Variants in PHLPP1 observed in about 807,000 individuals in gnomAD.
PHLPP1 encodes PH domain leucine-rich repeat-containing protein phosphatase 1.
In PHLPP1, 42 loss-of-function variants were observed where a neutral mutation model predicts 117.2. The observed-to-expected ratio is 0.36, with a 90% CI of 0.28 to 0.46. The LOEUF (loss-of-function observed/expected upper bound fraction) is 0.46, where lower values mean the gene tolerates loss of function less well. PHLPP1 is among the 20% of genes least tolerant of loss of function. The pLI is 1.00. For synonymous variants in PHLPP1, 1,042 were observed against 970.7 expected, an observed-to-expected ratio of 1.07 and a Z score of -1.37; for missense variants, 2,084 against 2,241.9, an observed-to-expected ratio of 0.93 and a Z score of 1.42.
At position 62,835,566 on chromosome 18, in the gene PHLPP1, T is replaced by C. The variant is rs367567682; in HGVS notation, c.1774-3218T>C. The stretch of plus-strand genomic sequence containing the variant: ...AAGTTTGCTTTAGATGTTTGATAAA[T>C]ACCCTTGGTCAGTTTAAGTGAGTTT... On this transcript the variant is annotated intron_variant, in intron 2 of 16. Coordinates refer to ENST00000262719, the MANE Select transcript of PHLPP1 (RefSeq NM_194449.4). 2.4e-4 allele frequency among the ~76,000 whole-genome samples: 37 copies of C among 152,230 alleles called. No individual in the cohort carries two copies. In the South Asian group the frequency reaches 7.0e-3, roughly 29 times the overall value.
chr18:62,798,146 C>T (rs925503823), intron 1 of PHLPP1, among the ~76,000 whole-genome samples: 1 of 152,136 alleles, frequency 6.6e-6, no homozygotes, highest in Non-Finnish European at 1.5e-5. Flanking sequence ...GTCCCCAACC[C>T]CAGAGTTTCT....
intron 16 of PHLPP1, among the ~76,000 whole-genome samples, chr18:62,977,716 C>T (rs1911231970): frequency 6.6e-6 from 1 of 152,208 alleles, no homozygotes; most frequent in Non-Finnish European, 1.5e-5. Context: ...ACTACTGCCT[C>T]TTGTGATCAT....
At chr18:62,754,172 C>G (rs1423489254) in intron 1 of PHLPP1, among the ~76,000 whole-genome samples, 2 of 152,218 alleles carry the variant, frequency 1.3e-5, no homozygotes, top group African/African-American at 4.8e-5. Context: ...GCCTGAATTA[C>G]TTGCTCAGCT....
intron 1 of PHLPP1, among the ~76,000 whole-genome samples, chr18:62,774,879 C>T (rs1443705494): frequency 6.6e-6 from 1 of 151,798 alleles, no homozygotes; most frequent in African/African-American, 2.4e-5. Context: ...AAATAAAACC[C>T]TTCTTAGTTC....
At chr18:62,803,890 G>T (rs1323282133) in intron 1 of PHLPP1, among the ~76,000 whole-genome samples, 1 of 152,134 alleles carries the variant, frequency 6.6e-6, no homozygotes, top group Non-Finnish European at 1.5e-5. Context: ...TGTGGTTGGT[G>T]TATAGTTTGG....
At position 62,717,271 on chromosome 18, in the gene PHLPP1, A is replaced by C. The variant is rs747399403; in HGVS notation, c.1576+12A>C. ...CCGCTTCTATGCAGGTAAGGAAGTC[A>C]CCTGCCTTGACGGGTGGTTGCAAAA... On this transcript the variant is annotated intron_variant, in intron 1 of 16. Transcript: ENST00000262719. 1 of 1,553,154 alleles carries C rather than the reference A, an allele frequency of 6.4e-7. No homozygotes were observed.
rs563093181 is a variant in PHLPP1, at chr18:62,946,533, G to T, written c.3324+1262G>T. Among the ~76,000 whole-genome samples, 4 of 151,956 alleles carry T rather than the reference G, an allele frequency of 2.6e-5. No individual in the cohort carries two copies. In the East Asian group the frequency reaches 7.8e-4, roughly 30 times the overall value. On this transcript the variant is annotated intron_variant, in intron 12 of 16. Coordinates refer to ENST00000262719, the MANE Select transcript of PHLPP1 (RefSeq NM_194449.4). ...TCCACCCACCTCGGCCTCCCAAAGT[G>T]CTGGGATTACAAGCATGAGCCACCA...
chr18:62,770,749 T>G (rs997881744), intron 1 of PHLPP1, among the ~76,000 whole-genome samples: 24 of 149,886 alleles, frequency 1.6e-4, no homozygotes, highest in African/African-American at 5.4e-4. Flanking sequence ...TTGGGGGGGG[T>G]GGGGAATATT....
At chr18:62,959,846 G>A (rs556862798) in intron 13 of PHLPP1, among the ~76,000 whole-genome samples, 43 of 152,284 alleles carry the variant, frequency 2.8e-4, no homozygotes, top group Non-Finnish European at 5.0e-4. Context: ...TACTTGATGA[G>A]AAAATTAATT....
intron 4 of PHLPP1, among the ~76,000 whole-genome samples, chr18:62,874,245 C>A (rs1010473498): frequency 6.6e-6 from 1 of 150,892 alleles, no homozygotes; most frequent in African/African-American, 2.4e-5. Context: ...AGGTGACTCA[C>A]GCCTGTAATC....
chr18:62,749,154 A>G (rs1911767227), intron 1 of PHLPP1, among the ~76,000 whole-genome samples: 1 of 151,604 alleles, frequency 6.6e-6, no homozygotes, highest in Admixed American at 6.6e-5. Context: ...GAAATTTTAC[A>G]TAATTATTAT....
At chr18:62,831,495 A>G (rs1310894206) in intron 2 of PHLPP1, among the ~76,000 whole-genome samples, 1 of 151,954 alleles carries the variant, frequency 6.6e-6, no homozygotes, top group African/African-American at 2.4e-5. Flanking sequence ...ATGACACCAT[A>G]TCCAGCTAAT....
intron 3 of PHLPP1, among the ~76,000 whole-genome samples, chr18:62,840,425 T>C (rs892844473): frequency 1.3e-5 from 2 of 152,248 alleles, no homozygotes; most frequent in African/African-American, 2.4e-5. Context: ...AGAATTAATG[T>C]GATATTAGAA....
chr18:62,890,897 C>T (rs1916389896), intron 4 of PHLPP1, among the ~76,000 whole-genome samples: 1 of 152,132 alleles, frequency 6.6e-6, no homozygotes, highest in African/African-American at 2.4e-5. Context: ...AAAACTGGCC[C>T]ATTCTCTCAA....
chr18:62,717,076 C>T lies in PHLPP1; in HGVS notation c.1393C>T (p.Pro465Ser), dbSNP rs981128925. The stretch of plus-strand genomic sequence containing the variant: ...GGTGACCGCGGAGAAGGCGCCTCCG[C>T]CGCCCCCGCCGCCCACCCTGTACGT... Reference protein sequence around the residue: ...SGVTAEKAPPPPPPPTLYVQL... With the variant: ...SGVTAEKAPPSPPPPTLYVQL... Residue 465 changes from proline to serine, a missense_variant, in exon 1 of 17, where the codon CCG (proline) becomes TCG (serine). Physicochemically the swap from Pro to Ser is moderately conservative, Grantham distance 74. This residue lies in a region of PHLPP1 where 1,365 missense variants were observed against 1,605.9 expected (regional missense o/e 0.85). Coordinates refer to ENST00000262719, the MANE Select transcript of PHLPP1 (RefSeq NM_194449.4). 4 of 1,544,966 alleles carry T rather than the reference C, an allele frequency of 2.6e-6. No individual in the cohort carries two copies. The African/African-American group carries it at 4.1e-5, about 16-fold the overall frequency.
intron 1 of PHLPP1, among the ~76,000 whole-genome samples, chr18:62,725,382 T>A (rs906752727): frequency 9.3e-5 from 14 of 150,708 alleles, no homozygotes; most frequent in African/African-American, 3.4e-4. Context: ...AAATAATAAA[T>A]AAAAAAATAA....
intron 4 of PHLPP1, among the ~76,000 whole-genome samples, chr18:62,878,768 A>G (rs1383773599): frequency 4.6e-5 from 7 of 151,756 alleles, no homozygotes; most frequent in Admixed American, 3.9e-4. Context: ...GCATATTTAT[A>G]CTCCTCATAT....
At chr18:62,849,812 A>ATATATATATAT (rs1228015504) in intron 3 of PHLPP1, among the ~76,000 whole-genome samples, 1 of 44,274 alleles carries the variant, frequency 2.3e-5, no homozygotes, top group African/African-American at 9.0e-5. Context: ...AAAAAAAAAA[A>ATATATATATAT]AAAAAAAAAA....
Position 62,716,921 on chromosome 18 carries a change from C to T in PHLPP1, c.1238C>T (p.Pro413Leu), listed in dbSNP as rs1301290891. Reference protein sequence around the residue: ...PLPLPQTASSPQPQQKAPRAI... With the variant: ...PLPLPQTASSLQPQQKAPRAI... ...CCGCTTCCCCAGACGGCTTCCTCGC[C>T]TCAGCCGCAGCAGAAAGCCCCGAGG... Residue 413 changes from proline to leucine, a missense_variant, in exon 1 of 17, where the codon CCT becomes CTT. Around this residue, in one of 2 missense-constraint regions of PHLPP1, gnomAD observed 719 missense variants for 636.0 expected, o/e 1.13. Coordinates refer to ENST00000262719, the MANE Select transcript of PHLPP1 (RefSeq NM_194449.4). The surrounding 1 kb of genome is among the most constrained non-coding windows in gnomAD (Gnocchi z 5.7). 4 of 1,534,048 alleles carry T rather than the reference C, an allele frequency of 2.6e-6. No individual in the cohort carries two copies. The highest frequency in any genetic ancestry group is 2.5e-5 in the East Asian group (1 of 40,514).
Sources: gnomAD v4.1 joint callset for allele counts (sites outside exome capture counted in the v4.1 genomes callset) on GRCh38, gnomAD v4.1.1 for gene constraint, gnomAD v4.1.1 regional missense constraint, Gnocchi (gnomAD v3.1) non-coding constraint, MANE v1.5 for transcripts, NCBI Gene and HGNC (gene_info 2026-07-23, HGNC 2026-07-21) for gene names.